The following USP15 variants were observed in gnomAD, a reference collection of about 807,000 sequenced individuals.
USP15 encodes ubiquitin specific peptidase 15.
A neutral mutation model predicts 127.1 loss-of-function variants in USP15; 18 were observed. The observed-to-expected ratio is 0.14, with a 90% CI of 0.10 to 0.21. The LOEUF is 0.21. Ranked by LOEUF, USP15 falls within the 10% of genes least tolerant of loss-of-function variation. The pLI is 1.00. For missense variants in USP15, 805 were observed against 1,159.9 expected (o/e 0.69, Z 4.44); for synonymous variants, 364 against 393.7 (o/e 0.92, Z 0.89).
intron 20 of USP15, among the ~76,000 whole-genome samples, chr12:62,398,912 G>A (rs928138025): frequency 1.3e-5 from 2 of 152,072 alleles, no homozygotes; most frequent in East Asian, 1.9e-4. Flanking sequence ...TTTATTAGTT[G>A]TTATTAATAT....
chr12:62,342,809 G>A (rs977161621), intron 6 of USP15, among the ~76,000 whole-genome samples: 4 of 152,096 alleles, frequency 2.6e-5, no homozygotes, highest in African/African-American at 4.8e-5. Context: ...GATGCCAGCC[G>A]GAGCTCTCCC....
Position 62,407,521 on chromosome 12 carries a change from ATAAG to A in USP15, c.*3147_*3150del, listed in dbSNP as rs1565925701. The A allele has an allele frequency of 6.6e-6, 1 of 152,240 alleles. No individual in the cohort carries two copies. Among genetic ancestry groups the A allele is most frequent in the Admixed American group, 6.5e-5 (1 of 15,280 alleles). 9.4% of individuals were successfully genotyped at this position (152,240 alleles called of 1,614,324 possible). ...ATTTAGCTCAGTATTCGAGCATTGAATAAGAAAGTACCCACTGGAATATTGACTA... is the reference window on the plus strand; with the variant it reads ...ATTTAGCTCAGTATTCGAGCATTGAAAAAGTACCCACTGGAATATTGACTA... On this transcript the variant is annotated 3_prime_UTR_variant, in exon 22 of 22. Transcript: ENST00000280377.
chr12:62,288,344 C>CTTTTTTT (rs34110065), intron 1 of USP15, among the ~76,000 whole-genome samples: 5 of 114,440 alleles, frequency 4.4e-5, no homozygotes, highest in Non-Finnish European at 6.9e-5. Flanking sequence ...TGGCATTTTA[C>CTTTTTTT]TTTTTTTTTT....
chr12:62,387,381 A>G (rs953114481), intron 11 of USP15, among the ~76,000 whole-genome samples: 5 of 152,198 alleles, frequency 3.3e-5, no homozygotes, highest in African/African-American at 1.2e-4. Flanking sequence ...GGCCAAAGCA[A>G]ATCAGGAGAC....
At chr12:62,297,770 A>G (rs1337235245) in intron 2 of USP15, among the ~76,000 whole-genome samples, 1 of 152,202 alleles carries the variant, frequency 6.6e-6, no homozygotes. Context: ...GTGCAAAGCT[A>G]CAAGAACTCA....
intron 3 of USP15, among the ~76,000 whole-genome samples, chr12:62,309,036 C>T (rs2064574346): frequency 6.6e-6 from 1 of 151,978 alleles, no homozygotes; most frequent in South Asian, 2.1e-4. Context: ...AATCTATTGT[C>T]TCAACAAGTT....
At chr12:62,361,848 G>C (rs2066328424) in intron 8 of USP15, among the ~76,000 whole-genome samples, 1 of 151,866 alleles carries the variant, frequency 6.6e-6, no homozygotes, top group African/African-American at 2.4e-5. Flanking sequence ...AAACTATTCT[G>C]GGCAGGGGAG....
At position 62,406,311 on chromosome 12, in the gene USP15, CAT is replaced by C. The variant is rs2067868203; in HGVS notation, c.*1939_*1940del. 6.6e-6 allele frequency: 1 copy of C among 152,080 alleles called. No individual in the cohort carries two copies. The highest frequency in any genetic ancestry group is 1.5e-5 in the Non-Finnish European group (1 of 68,004). The allele number at this position is 152,080 out of a possible 1,614,324, so 9.4% of individuals were successfully genotyped here. A position where few individuals can be genotyped will look rare whatever the true frequency, so the allele number is the denominator to read the frequency against. ...TCCACTTTAATATTTATTCATTAAA[CAT>C]ATGTTTGTGTACCAATCACTGTTGT... On this transcript the variant is annotated 3_prime_UTR_variant, in exon 22 of 22. Coordinates refer to ENST00000280377, the MANE Select transcript of USP15 (RefSeq NM_001252078.2).
At chr12:62,403,113 T>C (rs987192784) in intron 21 of USP15, among the ~76,000 whole-genome samples, 1 of 152,048 alleles carries the variant, frequency 6.6e-6, no homozygotes, top group Non-Finnish European at 1.5e-5. Context: ...GCCTGTATGA[T>C]AGCTGTGTGG....
At chr12:62,403,977 AT>A (rs1212846851) in intron 21 of USP15, among the ~76,000 whole-genome samples, 1 of 152,072 alleles carries the variant, frequency 6.6e-6, no homozygotes. Flanking sequence ...TGTCCAAATA[AT>A]TTAGAAGCAC....
chr12:62,289,738 T>TG (rs199809868), intron 1 of USP15, among the ~76,000 whole-genome samples: 10 of 151,246 alleles, frequency 6.6e-5, no homozygotes, highest in South Asian at 2.1e-4. Context: ...TGTGTGTGTG[T>TG]TTAGACAGCA....
chr12:62,301,636 A>G (rs947227452), intron 2 of USP15, among the ~76,000 whole-genome samples: 2 of 152,210 alleles, frequency 1.3e-5, no homozygotes, highest in Non-Finnish European at 2.9e-5. Flanking sequence ...AAATTCGTCT[A>G]TAGTAACAGA....
chr12:62,277,469 G>A (rs2063526682), intron 1 of USP15: 1 of 152,104 alleles, frequency 6.6e-6, no homozygotes, highest in Admixed American at 6.6e-5. Flanking sequence ...AAAAAGAACA[G>A]TAAAAATGGC....
chr12:62,361,019 A>G (rs982241071), intron 8 of USP15, among the ~76,000 whole-genome samples: 2 of 152,042 alleles, frequency 1.3e-5, no homozygotes, highest in African/African-American at 2.4e-5. Flanking sequence ...TTTTCTCAAC[A>G]TGAATACCAA....
chr12:62,413,555 T>C lies in USP15; in HGVS notation c.*9180T>C, dbSNP rs1340776146. Reference sequence around the variant, plus strand: ...TGCTTCACCTTATGCTTGTCTGTTGTGGAGACAGCTTGTTTCCTTAAACTC... The same window carrying C: ...TGCTTCACCTTATGCTTGTCTGTTGCGGAGACAGCTTGTTTCCTTAAACTC... On this transcript the variant is annotated 3_prime_UTR_variant, in exon 22 of 22. Coordinates refer to ENST00000280377, the MANE Select transcript of USP15 (RefSeq NM_001252078.2). 2.0e-5 allele frequency: 3 copies of C among 152,244 alleles called. No individual in the cohort carries two copies. Among genetic ancestry groups the C allele is most frequent in the Non-Finnish European group, 2.9e-5 (2 of 68,050 alleles). The allele number at this position is 152,244 out of a possible 1,614,324, so 9.4% of individuals were successfully genotyped here.
At chr12:62,366,142 G>T (rs1405361306) in intron 8 of USP15, among the ~76,000 whole-genome samples, 2 of 152,172 alleles carry the variant, frequency 1.3e-5, no homozygotes, top group African/African-American at 4.8e-5. Context: ...ACTTTGGGAA[G>T]CATGGCCATT....
In USP15 at chr12:62,355,144, G is replaced by A. The variant is rs115136374; in HGVS notation, c.771-187G>A. On this transcript the variant is annotated intron_variant, in intron 7 of 21. Coordinates refer to ENST00000280377, the MANE Select transcript of USP15 (RefSeq NM_001252078.2). ...GAGAGTTATTTTGTTGATTGGATAA[G>A]GAGTATCTTAATTCAGGGTGAGTTA... is the stretch of plus-strand genomic sequence containing the variant. 3.8e-3 allele frequency: 1,857 copies of A among 484,228 alleles called. 31 individuals are homozygous for A. The highest frequency in any genetic ancestry group is 0.032 in the African/African-American group (1,643 of 51,304). The allele number at this position is 484,228 out of a possible 1,614,324, so 30.0% of individuals were successfully genotyped here. A position where few individuals can be genotyped will look rare whatever the true frequency, so the allele number is the denominator to read the frequency against.
At chr12:62,401,919 C>CATAT (rs3085019) in intron 21 of USP15, among the ~76,000 whole-genome samples, 1,652 of 145,844 alleles carry the variant, frequency 0.011, 26 homozygotes, top group African/African-American at 0.033. Flanking sequence ...TGTATATATA[C>CATAT]ATATATATAT....
intron 4 of USP15, among the ~76,000 whole-genome samples, chr12:62,315,836 C>A (rs1433482129): frequency 6.6e-6 from 1 of 152,178 alleles, no homozygotes; most frequent in Non-Finnish European, 1.5e-5. Flanking sequence ...TCCTTTTAAC[C>A]CGTATTTTTT....
Sources: allele counts gnomAD v4.1 joint callset (sites outside exome capture counted in the v4.1 genomes callset), GRCh38; gene constraint gnomAD v4.1.1; transcripts MANE v1.5; gene names NCBI Gene and HGNC (gene_info 2026-07-23, HGNC 2026-07-21).